Variants in PLEKHA3 observed in about 807,000 individuals in gnomAD.
PLEKHA3 encodes the protein pleckstrin homology domain containing A3.
A neutral mutation model predicts 39.2 loss-of-function variants in PLEKHA3; 19 were observed. The ratio of observed to expected loss-of-function variants is 0.48; its 90% confidence interval spans 0.34 to 0.71. The LOEUF (loss-of-function observed/expected upper bound fraction) is 0.71, where lower values mean the gene tolerates loss of function less well. Among genes scored for constraint, PLEKHA3 ranks in the 30% least tolerant of loss-of-function variants. The pLI, the probability that PLEKHA3 is intolerant of heterozygous loss-of-function variation, is 0.01. For synonymous variants in PLEKHA3, 97 were observed against 118.6 expected, an observed-to-expected ratio of 0.82 and a Z score of 1.18; for missense variants, 253 against 359.5, an observed-to-expected ratio of 0.70 and a Z score of 2.40.
chr2:178,495,731 T>C (rs1234991139), intron 5 of PLEKHA3, 71 bp downstream of exon 5: 2 of 1,497,554 alleles, frequency 1.3e-6, no homozygotes, highest in Non-Finnish European at 1.8e-6. Flanking sequence ...CATTTTGGTA[T>C]TTATTTTTAA....
intron 2 of PLEKHA3, chr2:178,489,034 A>T: frequency 2.3e-6 from 1 of 433,124 alleles, no homozygotes; most frequent in Non-Finnish European, 4.7e-6. Flanking sequence ...AAAATGAGTC[A>T]TCTTATTTTA....
At position 178,505,485 on chromosome 2, in the gene PLEKHA3, T is replaced by A. The variant is rs1685588990; in HGVS notation, c.*1598T>A. The A allele has an allele frequency of 6.6e-6, 1 of 151,824 alleles. No individual in the cohort carries two copies. Among genetic ancestry groups the A allele is most frequent in the Non-Finnish European group, 1.5e-5 (1 of 67,856 alleles). The allele number at this position is 151,824 out of a possible 1,614,324, so 9.4% of individuals were successfully genotyped here. ...GCCTGCTCATAAGTTGTACTTCATATGTCTAATTTGAAAAAAAAAGTTTGA... is the reference window on the plus strand; with the variant it reads ...GCCTGCTCATAAGTTGTACTTCATAAGTCTAATTTGAAAAAAAAAGTTTGA... On this transcript the variant is annotated 3_prime_UTR_variant, in exon 8 of 8. Transcript: ENST00000234453.
At chr2:178,503,369 G>A (rs571567904) in intron 7 of PLEKHA3, among the ~76,000 whole-genome samples, 8 of 151,974 alleles carry the variant, frequency 5.3e-5, no homozygotes, top group African/African-American at 1.9e-4. Context: ...TATGGGTCTT[G>A]GTTTCTTTGC....
rs777289304 is a variant in PLEKHA3, at chr2:178,501,146, T to C, written c.745T>C (p.Cys249Arg). The change falls in exon 7 of 8, where the codon TGT (cysteine) becomes CGT (arginine). Residue 249 changes from cysteine (C) to arginine (R), a missense_variant. Physicochemically the swap from Cys to Arg is radical, Grantham distance 180 (BLOSUM62 -3). Around this residue, in one of 2 missense-constraint regions of PLEKHA3, gnomAD observed 127 missense variants for 136.8 expected, o/e 0.93. Coordinates refer to ENST00000234453, the MANE Select transcript of PLEKHA3 (RefSeq NM_019091.4). ...RRRTYSDTDS[C>R]SDIPLEDPDR... Reference sequence around the variant, plus strand: ...AAGAACCTACTCAGATACAGATTCTTGTAGTGATATTCCTCTTGAAGACCC... The same window carrying C: ...AAGAACCTACTCAGATACAGATTCTCGTAGTGATATTCCTCTTGAAGACCC... 1 of 1,613,118 alleles carries C rather than the reference T, an allele frequency of 6.2e-7. No homozygotes were observed. Among genetic ancestry groups the C allele is most frequent in the Non-Finnish European group, 8.5e-7 (1 of 1,179,248 alleles).
At chr2:178,494,360 A>G (rs1685405867) in intron 4 of PLEKHA3, among the ~76,000 whole-genome samples, 1 of 152,232 alleles carries the variant, frequency 6.6e-6, no homozygotes, top group Non-Finnish European at 1.5e-5. Context: ...ATGAGAGTTG[A>G]TAACTTATCT....
In PLEKHA3 at chr2:178,480,577, C is replaced by T. The variant is rs1041025654; in HGVS notation, c.-293C>T. The T allele has an allele frequency of 7.5e-5, 19 of 253,166 alleles. No homozygotes were observed. Among genetic ancestry groups the T allele is most frequent in the African/African-American group, 4.5e-5 (2 of 44,344 alleles). The allele number at this position is 253,166 out of a possible 1,614,324, so 15.7% of individuals were successfully genotyped here. On this transcript the variant is annotated 5_prime_UTR_variant, in exon 1 of 8. Coordinates refer to ENST00000234453, the MANE Select transcript of PLEKHA3 (RefSeq NM_019091.4). ...GGAGGGAGCAGCCGGGCTGCGGAAG[C>T]GCGAGCAGGAGGCCGGTCGCGGGCG...
At chr2:178,497,206 A>T (rs905123423) in intron 5 of PLEKHA3, among the ~76,000 whole-genome samples, 13 of 150,582 alleles carry the variant, frequency 8.6e-5, no homozygotes, top group African/African-American at 3.2e-4. Flanking sequence ...AAATAAAATA[A>T]ATATATATAT....
chr2:178,483,898 A>G (rs1041890127), intron 1 of PLEKHA3, among the ~76,000 whole-genome samples: 3 of 152,090 alleles, frequency 2.0e-5, no homozygotes, highest in Non-Finnish European at 4.4e-5. Context: ...GGGCAACATG[A>G]TGAGACTTCG....
chr2:178,482,570 AAG>A lies in PLEKHA3; in HGVS notation c.40+1663_40+1664del, dbSNP rs1490497562. ...CCTGTCTCAAAAAAAAAAAAAAAAAAAGACATTAGCTTGTATGCTTTGAGATG... is the reference window on the plus strand; with the variant it reads ...CCTGTCTCAAAAAAAAAAAAAAAAAAACATTAGCTTGTATGCTTTGAGATG... On this transcript the variant is annotated intron_variant, in intron 1 of 7. Transcript: ENST00000234453. 2.6e-5 allele frequency among the ~76,000 whole-genome samples: 4 copies of A among 151,720 alleles called. No homozygotes were observed. In the East Asian group the frequency reaches 7.7e-4, roughly 29 times the overall value.
At chr2:178,496,709 C>CTTAT (rs946288214) in intron 5 of PLEKHA3, among the ~76,000 whole-genome samples, 2 of 151,762 alleles carry the variant, frequency 1.3e-5, no homozygotes, top group South Asian at 2.1e-4. Flanking sequence ...AGCCTTTTTA[C>CTTAT]TTATTTATTT....
intron 1 of PLEKHA3, among the ~76,000 whole-genome samples, chr2:178,482,508 G>T (rs1159924012): frequency 2.1e-5 from 3 of 144,660 alleles, no homozygotes; most frequent in African/African-American, 7.8e-5. Context: ...AGCTATGATT[G>T]TACCCACACA....
At chr2:178,497,181 G>C (rs114914284) in intron 5 of PLEKHA3, among the ~76,000 whole-genome samples, 3,100 of 150,906 alleles carry the variant, frequency 0.021, 54 homozygotes, top group East Asian at 0.039. Context: ...AATTGAGCCC[G>C]TTATATATAT....
Position 178,510,382 on chromosome 2 carries a change from T to A in PLEKHA3, c.*6495T>A, listed in dbSNP as rs1371025673. The A allele has an allele frequency of 6.5e-6, 1 of 153,790 alleles. No homozygotes were observed. Among genetic ancestry groups the A allele is most frequent in the Non-Finnish European group, 1.5e-5 (1 of 68,056 alleles). The allele number at this position is 153,790 out of a possible 1,614,324, so 9.5% of individuals were successfully genotyped here. A position where few individuals can be genotyped will look rare whatever the true frequency, so the allele number is the denominator to read the frequency against. ...ATATGAAGTATAGGAGATAAGATAA[T>A]GCAGATGATGTTTGTTATGCCTTAC... On this transcript the variant is annotated 3_prime_UTR_variant, in exon 8 of 8. Coordinates refer to ENST00000234453, the MANE Select transcript of PLEKHA3 (RefSeq NM_019091.4).
chr2:178,514,607 T>C lies in PLEKHA3; in HGVS notation c.*10720T>C, dbSNP rs1371173890. On this transcript the variant is annotated 3_prime_UTR_variant, in exon 8 of 8. Coordinates refer to ENST00000234453, the MANE Select transcript of PLEKHA3 (RefSeq NM_019091.4). ...AAGTAATGTGTATATCCTTCACTTA[T>C]TAATAGTGCCTTCATGAATTCAAAG... The C allele has an allele frequency of 6.6e-6, 1 of 152,106 alleles. No individual in the cohort carries two copies. Among genetic ancestry groups the C allele is most frequent in the Non-Finnish European group, 1.5e-5 (1 of 68,012 alleles). 9.4% of individuals were successfully genotyped at this position (152,106 alleles called of 1,614,324 possible). A position where few individuals can be genotyped will look rare whatever the true frequency, so the allele number is the denominator to read the frequency against.
At chr2:178,493,206 C>T (rs539323960) in intron 3 of PLEKHA3, among the ~76,000 whole-genome samples, 10 of 152,034 alleles carry the variant, frequency 6.6e-5, no homozygotes, top group African/African-American at 2.4e-4. Context: ...TTTAGTTTGT[C>T]TGGACATACT....
chr2:178,486,611 A>T (rs1217276674), intron 2 of PLEKHA3, among the ~76,000 whole-genome samples: 1 of 152,160 alleles, frequency 6.6e-6, no homozygotes, highest in Non-Finnish European at 1.5e-5. Context: ...ATGTTTTATA[A>T]ATGGAATAAT....
rs948277097 is a variant in PLEKHA3 at position 178,507,051 on chromosome 2, A to T, written c.*3164A>T. On this transcript the variant is annotated 3_prime_UTR_variant, in exon 8 of 8. Coordinates refer to ENST00000234453, the MANE Select transcript of PLEKHA3 (RefSeq NM_019091.4). ...TAAAAGGTTTATAGTGAAAAAGTGTAGTTCCCTCTTCCCCAGTTTAGCATT... is the reference window on the plus strand; with the variant it reads ...TAAAAGGTTTATAGTGAAAAAGTGTTGTTCCCTCTTCCCCAGTTTAGCATT... The T allele has an allele frequency of 6.6e-6, 1 of 152,252 alleles. No individual in the cohort carries two copies. The highest frequency in any genetic ancestry group is 2.4e-5 in the African/African-American group (1 of 41,554). 9.4% of individuals were successfully genotyped at this position (152,252 alleles called of 1,614,324 possible). A position where few individuals can be genotyped will look rare whatever the true frequency, so the allele number is the denominator to read the frequency against.
At chr2:178,489,485 T>C (rs1323727719) in intron 2 of PLEKHA3, among the ~76,000 whole-genome samples, 1 of 119,590 alleles carries the variant, frequency 8.4e-6, no homozygotes, top group Non-Finnish European at 1.6e-5. Context: ...TGAGACAGGG[T>C]CTTGCTCTGT....
Position 178,490,655 on chromosome 2 carries a change from A to G in PLEKHA3, c.158-4A>G, listed in dbSNP as rs1439085121. ...CTGTATTTCCCCTTTGTTTATCATC[A>G]TAGTTCATTCAGCAGACAACACAAG... On this transcript the variant is annotated splice_polypyrimidine_tract_variant and splice_region_variant and intron_variant, in intron 2 of 7. Coordinates refer to ENST00000234453, the MANE Select transcript of PLEKHA3 (RefSeq NM_019091.4). The G allele has an allele frequency of 4.3e-6, 7 of 1,611,492 alleles. No individual in the cohort carries two copies. In the Admixed American group the frequency reaches 6.7e-5, roughly 15 times the overall value.
Sources: gnomAD v4.1 joint callset for allele counts (sites outside exome capture counted in the v4.1 genomes callset) on GRCh38, gnomAD v4.1.1 for gene constraint, gnomAD v4.1.1 regional missense constraint, MANE v1.5 for transcripts, NCBI Gene and HGNC (gene_info 2026-07-23, HGNC 2026-07-21) for gene names.